Variants in CCDC138 observed in about 807,000 individuals in gnomAD.
CCDC138 encodes coiled-coil domain containing 138.
Under a neutral mutation model 82.3 loss-of-function variants are expected in CCDC138, and 66 were observed. The ratio of observed to expected loss-of-function variants is 0.80; its 90% CI spans 0.66 to 0.98. The LOEUF is 0.98. CCDC138 is among the 50% of genes least tolerant of loss of function. The pLI, the probability that CCDC138 is intolerant of heterozygous loss-of-function variation, is 0.00. For synonymous variants in CCDC138, 297 were observed against 265.4 expected, an observed-to-expected ratio of 1.12 and a Z score of -1.16; for missense variants, 816 against 758.9, an observed-to-expected ratio of 1.08 and a Z score of -0.88.
In CCDC138 at chr2:108,786,830, C is replaced by G. The variant is rs1291586687; in HGVS notation, c.8C>G (p.Pro3Arg). 1.3e-6 allele frequency: 2 copies of G among 1,589,990 alleles called. No individual in the cohort carries two copies. The highest frequency in any genetic ancestry group is 1.8e-5 in the Admixed American group (1 of 55,878). ...GTACGGTTGCTGTGTGCTATGGAGCCGAGGGTCGTCAAGCCACCGGGGCAG... is the reference window on the plus strand; with the variant it reads ...GTACGGTTGCTGTGTGCTATGGAGCGGAGGGTCGTCAAGCCACCGGGGCAG... ME[P>R]RVVKPPGQDL... Residue 3 changes from proline (P) to arginine (R), a missense_variant, in exon 1 of 15, where the codon CCG becomes CGG. By Grantham distance (103) the Pro-to-Arg change is moderately radical. Coordinates refer to ENST00000295124, the MANE Select transcript of CCDC138 (RefSeq NM_144978.3).
chr2:108,789,231 T>C (rs1226339843), intron 3 of CCDC138, among the ~76,000 whole-genome samples: 1 of 152,174 alleles, frequency 6.6e-6, no homozygotes, highest in East Asian at 1.9e-4. Flanking sequence ...AAAAATATAT[T>C]TTTATGGTTA....
chr2:108,812,752 A>G, intron 8 of CCDC138, 44 bp downstream of exon 8: 1 of 1,610,206 alleles, frequency 6.2e-7, no homozygotes, highest in Non-Finnish European at 8.5e-7. Context: ...ATGTTTTTAG[A>G]TGATTACCTT....
intron 7 of CCDC138, among the ~76,000 whole-genome samples, chr2:108,807,529 T>C (rs1026028717): frequency 6.6e-6 from 1 of 152,214 alleles, no homozygotes; most frequent in Admixed American, 6.5e-5. Context: ...TCTCTTTATC[T>C]ATGTGAAAAT....
intron 10 of CCDC138, among the ~76,000 whole-genome samples, chr2:108,819,545 C>A (rs914396779): frequency 6.6e-6 from 1 of 152,054 alleles, no homozygotes; most frequent in Non-Finnish European, 1.5e-5. Flanking sequence ...AGGGACACAG[C>A]GATTATGGGT....
chr2:108,825,628 G>A (rs1686445134), intron 10 of CCDC138, among the ~76,000 whole-genome samples: 1 of 152,106 alleles, frequency 6.6e-6, no homozygotes, highest in East Asian at 1.9e-4. Context: ...TGTCACATGT[G>A]TCAATACTTC....
intron 7 of CCDC138, among the ~76,000 whole-genome samples, chr2:108,806,104 A>G (rs1045502109): frequency 3.3e-5 from 5 of 152,154 alleles, no homozygotes; most frequent in East Asian, 3.9e-4. Flanking sequence ...GCAGTGATAC[A>G]TAGGTACCCT....
At chr2:108,819,266 G>T (rs768931296) in intron 10 of CCDC138, among the ~76,000 whole-genome samples, 1 of 152,196 alleles carries the variant, frequency 6.6e-6, no homozygotes, top group Admixed American at 6.5e-5. Context: ...GTGGCATTTT[G>T]CATGTGTGTT....
At chr2:108,805,765 A>C (rs1379527027) in intron 7 of CCDC138, among the ~76,000 whole-genome samples, 2 of 152,134 alleles carry the variant, frequency 1.3e-5, no homozygotes, top group Non-Finnish European at 2.9e-5. Flanking sequence ...ATATAATACC[A>C]GAGTTGCATA....
intron 10 of CCDC138, among the ~76,000 whole-genome samples, chr2:108,838,959 A>C (rs1477967219): frequency 6.6e-6 from 1 of 152,182 alleles, no homozygotes; most frequent in East Asian, 1.9e-4. Context: ...TAATCTCCTT[A>C]AACTAGATGT....
rs1270539604 is a variant in CCDC138, at chr2:108,788,051, A to T, written c.113A>T (p.Tyr38Phe). ...TTTTAGTATGATTTTTCAAATTTTTATCAGTCTAAGTATAAGAGAAGAACT... is the reference window on the plus strand; with the variant it reads ...TTTTAGTATGATTTTTCAAATTTTTTTCAGTCTAAGTATAAGAGAAGAACT... ...CPDEYDFSNF[Y>F]QSKYKRRTLT... Residue 38 changes from tyrosine to phenylalanine, a missense_variant, in exon 2 of 15, where the codon TAT (tyrosine) becomes TTT (phenylalanine). Tyr to Phe is a conservative substitution (Grantham distance 22, BLOSUM62 3). Transcript: ENST00000295124. The T allele has an allele frequency of 7.6e-6, 12 of 1,574,266 alleles. No individual in the cohort carries two copies. Among genetic ancestry groups the T allele is most frequent in the Non-Finnish European group, 1.0e-5 (12 of 1,163,862 alleles).
chr2:108,869,412 G>T (rs1003002102), intron 13 of CCDC138, among the ~76,000 whole-genome samples: 1 of 152,154 alleles, frequency 6.6e-6, no homozygotes, highest in African/African-American at 2.4e-5. Flanking sequence ...AGGCATTCTT[G>T]CCTATCAATG....
At chr2:108,826,172 A>G (rs750965522) in intron 10 of CCDC138, among the ~76,000 whole-genome samples, 29 of 152,192 alleles carry the variant, frequency 1.9e-4, no homozygotes, top group Non-Finnish European at 3.5e-4. Flanking sequence ...ACCTTATCCA[A>G]TATGTGATTT....
chr2:108,830,544 C>T (rs1433571822), intron 10 of CCDC138, among the ~76,000 whole-genome samples: 3 of 152,178 alleles, frequency 2.0e-5, no homozygotes, highest in African/African-American at 4.8e-5. Context: ...GCATGGCTCA[C>T]GCCTGTAATC....
At chr2:108,862,496 C>T (rs1574281737) in intron 13 of CCDC138, among the ~76,000 whole-genome samples, 1 of 152,084 alleles carries the variant, frequency 6.6e-6, no homozygotes, top group Non-Finnish European at 1.5e-5. Flanking sequence ...GTGGTGATTA[C>T]AGTTAATAAC....
chr2:108,825,021 A>G (rs1686321830), intron 10 of CCDC138, among the ~76,000 whole-genome samples: 1 of 152,264 alleles, frequency 6.6e-6, no homozygotes, highest in Middle Eastern at 3.2e-3. Flanking sequence ...TGTATGGAAG[A>G]TACAGTACAC....
intron 10 of CCDC138, among the ~76,000 whole-genome samples, chr2:108,831,090 G>A (rs1016854641): frequency 9.9e-5 from 15 of 151,874 alleles, no homozygotes; most frequent in African/African-American, 1.9e-4. Flanking sequence ...CACCAGAATC[G>A]CTTAAACCCC....
chr2:108,798,543 G>A lies in CCDC138; in HGVS notation c.692G>A (p.Gly231Asp), dbSNP rs371099017. Residue 231 changes from glycine to aspartate, a missense_variant, in exon 6 of 15, where the codon GGT becomes GAT. Transcript: ENST00000295124. The stretch of plus-strand genomic sequence containing the variant: ...GAAAATGCCTTGAGTAAAATTAAAG[G>A]TGTTGAAGAAGAGGTTCTTACAAGA... ...RHENALSKIK[G>D]VEEEVLTRFQ... 2 of 1,613,648 alleles carry A rather than the reference G, an allele frequency of 1.2e-6. No homozygotes were observed. Among genetic ancestry groups the A allele is most frequent in the South Asian group, 2.2e-5 (2 of 91,018 alleles).
intron 10 of CCDC138, among the ~76,000 whole-genome samples, chr2:108,836,089 T>G (rs1200938437): frequency 6.6e-6 from 1 of 152,174 alleles, no homozygotes; most frequent in African/African-American, 2.4e-5. Context: ...ACTGATGTTT[T>G]GGGCATTAAG....
At chr2:108,864,949 G>T (rs1423958716) in intron 13 of CCDC138, among the ~76,000 whole-genome samples, 1 of 152,030 alleles carries the variant, frequency 6.6e-6, no homozygotes, top group African/African-American at 2.4e-5. Flanking sequence ...CAAGAGTGAG[G>T]CCCTGTTTTA....
Sources: allele counts gnomAD v4.1 joint callset (sites outside exome capture counted in the v4.1 genomes callset), GRCh38; gene constraint gnomAD v4.1.1; transcripts MANE v1.5; gene names NCBI Gene and HGNC (gene_info 2026-07-23, HGNC 2026-07-21).